The following ARHGAP22 variants were observed in gnomAD, a reference collection of about 807,000 sequenced individuals.
ARHGAP22 encodes the protein rho GTPase-activating protein 22.
In ARHGAP22, 48 loss-of-function variants were observed where a neutral mutation model predicts 59.1. The observed-to-expected ratio is 0.81, with a 90% CI of 0.64 to 1.03. The LOEUF (loss-of-function observed/expected upper bound fraction) is 1.03, where lower values mean the gene tolerates loss of function less well. Ranked by LOEUF, ARHGAP22 falls within the 50% of genes least tolerant of loss-of-function variation. The pLI, the probability that ARHGAP22 is intolerant of heterozygous loss-of-function variation, is 0.00. For synonymous variants in ARHGAP22, 445 were observed against 416.4 expected (o/e 1.07, Z -0.84); for missense variants, 1,015 against 958.7 (o/e 1.06, Z -0.78).
chr10:48,457,092 G>T (rs527444806), intron 5 of ARHGAP22, among the ~76,000 whole-genome samples: 1 of 152,092 alleles, frequency 6.6e-6, no homozygotes, highest in Admixed American at 6.5e-5. Flanking sequence ...GGGACAAAGA[G>T]GCCCTGGTGG....
intron 5 of ARHGAP22, among the ~76,000 whole-genome samples, chr10:48,458,817 G>A (rs1446301150): frequency 6.6e-6 from 1 of 152,190 alleles, no homozygotes; most frequent in East Asian, 1.9e-4. Flanking sequence ...CCTGGGTGGA[G>A]CACCGCTAGG....
At chr10:48,513,818 T>C (rs2053027889) in intron 3 of ARHGAP22, among the ~76,000 whole-genome samples, 2 of 152,212 alleles carry the variant, frequency 1.3e-5, no homozygotes, top group African/African-American at 4.8e-5. Context: ...TTGACCTAGA[T>C]GTTATACTTA....
At chr10:48,476,700 A>C (rs1302984894) in intron 4 of ARHGAP22, among the ~76,000 whole-genome samples, 1 of 152,240 alleles carries the variant, frequency 6.6e-6, no homozygotes, top group Non-Finnish European at 1.5e-5. Flanking sequence ...GAAGGCAGAT[A>C]AATGCCAGGC....
At chr10:48,621,632 G>A (rs10857613) in intron 1 of ARHGAP22, among the ~76,000 whole-genome samples, 75,820 of 152,036 alleles carry the variant, frequency 0.5, 19,052 homozygotes, top group Admixed American at 0.57. Context: ...CTCAGGGCAT[G>A]TTGGGGCATG....
chr10:48,630,250 C>G (rs1264704243), intron 1 of ARHGAP22, among the ~76,000 whole-genome samples: 2 of 152,162 alleles, frequency 1.3e-5, no homozygotes, highest in Non-Finnish European at 2.9e-5. Context: ...CGCCACCTCG[C>G]TCGGCTAATT....
chr10:48,562,597 A>T (rs922744233), intron 2 of ARHGAP22, among the ~76,000 whole-genome samples: 10 of 152,178 alleles, frequency 6.6e-5, no homozygotes, highest in Non-Finnish European at 1.0e-4. Context: ...ATGAGAACTA[A>T]GCGGATCAGC....
intron 4 of ARHGAP22, among the ~76,000 whole-genome samples, chr10:48,465,997 G>C (rs1330895829): frequency 6.6e-6 from 1 of 152,104 alleles, no homozygotes; most frequent in East Asian, 1.9e-4. Flanking sequence ...GGCTGTAAGC[G>C]GTAAGATCCA....
chr10:48,496,148 G>C (rs1309356878), intron 3 of ARHGAP22, among the ~76,000 whole-genome samples: 6 of 152,158 alleles, frequency 3.9e-5, no homozygotes, highest in Non-Finnish European at 7.3e-5. Flanking sequence ...CACTAGGCTT[G>C]GGGGGTAATC....
rs1284221064 is a variant in ARHGAP22 at position 48,490,271 on chromosome 10, G to A, written c.323-10507C>T. Among the ~76,000 whole-genome samples, 4 of 152,262 alleles carry A rather than the reference G, an allele frequency of 2.6e-5. No homozygotes were observed. The East Asian group carries it at 5.8e-4, about 22-fold the overall frequency. On this transcript the variant is annotated intron_variant, in intron 3 of 9. Coordinates refer to ENST00000249601, the MANE Select transcript of ARHGAP22 (RefSeq NM_021226.4). ...CTTTTATTATCATATTTAAGTACAGGATAGAGGGGGATTTCTCAGCCTCAG... is the reference window on the plus strand; with the variant it reads ...CTTTTATTATCATATTTAAGTACAGAATAGAGGGGGATTTCTCAGCCTCAG...
intron 3 of ARHGAP22, among the ~76,000 whole-genome samples, chr10:48,525,156 C>T (rs1035061509): frequency 2.0e-5 from 3 of 152,190 alleles, no homozygotes; most frequent in African/African-American, 7.2e-5. Flanking sequence ...GGAGCAAGCT[C>T]ATTTCTTAGT....
intron 1 of ARHGAP22, 43 bp downstream of exon 1, chr10:48,604,720 G>A: frequency 6.2e-7 from 1 of 1,614,204 alleles, no homozygotes; most frequent in East Asian, 2.2e-5. Context: ...TTTGCCAAGA[G>A]GCACATGCGG....
chr10:48,535,451 A>G (rs1395190635), intron 3 of ARHGAP22, among the ~76,000 whole-genome samples: 1 of 152,150 alleles, frequency 6.6e-6, no homozygotes, highest in Non-Finnish European at 1.5e-5. Context: ...GGGGGCAGGG[A>G]GTTTCTCAAG....
At chr10:48,486,973 G>A (rs2049921501) in intron 3 of ARHGAP22, among the ~76,000 whole-genome samples, 1 of 152,092 alleles carries the variant, frequency 6.6e-6, no homozygotes, top group African/African-American at 2.4e-5. Flanking sequence ...GATGTTTTGT[G>A]TCTTTTTTAC....
intron 3 of ARHGAP22, among the ~76,000 whole-genome samples, chr10:48,512,031 T>C (rs1228503194): frequency 6.6e-6 from 1 of 152,162 alleles, no homozygotes; most frequent in Non-Finnish European, 1.5e-5. Context: ...GGAACTCCAG[T>C]GGTGAGCAGG....
chr10:48,607,313 C>T (rs2060715263), upstream of ARHGAP22, among the ~76,000 whole-genome samples: 1 of 152,186 alleles, frequency 6.6e-6, no homozygotes, highest in Non-Finnish European at 1.5e-5. Flanking sequence ...GAGCTGGGCT[C>T]ACACCCCAGA....
chr10:48,490,436 A>G lies in ARHGAP22; in HGVS notation c.323-10672T>C, dbSNP rs79660836. Among the ~76,000 whole-genome samples the G allele has an allele frequency of 3.1e-3, 474 of 152,140 alleles. 2 individuals carry two copies. The highest frequency in any genetic ancestry group is 0.011 in the African/African-American group (454 of 41,508). ...ATGACAGCCAACAGTGTCTCCATAC[A>G]TTGTCAAATGTCCCTTGGAGCCCAA... On this transcript the variant is annotated intron_variant, in intron 3 of 9. Coordinates refer to ENST00000249601, the MANE Select transcript of ARHGAP22 (RefSeq NM_021226.4).
chr10:48,579,180 G>C (rs2058956721), intron 2 of ARHGAP22, among the ~76,000 whole-genome samples: 1 of 151,218 alleles, frequency 6.6e-6, no homozygotes, highest in Non-Finnish European at 1.5e-5. Flanking sequence ...TTTGGTCTTA[G>C]GTTTCGGAAG....
intron 4 of ARHGAP22, among the ~76,000 whole-genome samples, chr10:48,472,632 C>T (rs1422106787): frequency 6.6e-6 from 1 of 152,206 alleles, no homozygotes; most frequent in Non-Finnish European, 1.5e-5. Flanking sequence ...TGGCTCCCTT[C>T]CTCACTCCCT....
intron 3 of ARHGAP22, among the ~76,000 whole-genome samples, chr10:48,506,793 G>A (rs189844975): frequency 4.5e-4 from 68 of 152,288 alleles, no homozygotes; most frequent in Non-Finnish European, 8.1e-4. Context: ...TGTGACACGA[G>A]GGCCTAGATG....
Sources: allele counts gnomAD v4.1 joint callset (sites outside exome capture counted in the v4.1 genomes callset), GRCh38; gene constraint gnomAD v4.1.1; transcripts MANE v1.5; gene names NCBI Gene and HGNC (gene_info 2026-07-23, HGNC 2026-07-21).